Variants in WNK1 observed in about 807,000 individuals in gnomAD.
WNK1 encodes WNK lysine deficient protein kinase 1, also known as serine/threonine-protein kinase WNK1.
In WNK1, 38 loss-of-function variants were observed where a neutral mutation model predicts 222.8. That is an observed-to-expected ratio of 0.17 (90% CI 0.13 to 0.22). The LOEUF is 0.22. Ranked by LOEUF, WNK1 falls within the 10% of genes least tolerant of loss-of-function variation. WNK1 has a pLI of 1.00. For synonymous variants in WNK1, 1,090 were observed against 1,092.9 expected (o/e 1.00, Z 0.05); for missense variants, 2,348 against 2,918.4 (o/e 0.80, Z 4.50).
intron 1 of WNK1, among the ~76,000 whole-genome samples, chr12:784,348 C>G (rs1399551285): frequency 3.3e-5 from 5 of 152,058 alleles, no homozygotes; most frequent in Admixed American, 6.6e-5. Flanking sequence ...CCAAGTACCT[C>G]TTGTTAAACT....
intron 26 of WNK1, among the ~76,000 whole-genome samples, chr12:905,395 A>G (rs1004668467): frequency 6.6e-6 from 1 of 152,030 alleles, no homozygotes; most frequent in Admixed American, 6.5e-5. Context: ...GTATTAGGTA[A>G]TGTAGGGTAA....
In WNK1 at chr12:879,823, C is replaced by G. The variant is rs529032048; in HGVS notation, c.2624C>G (p.Thr875Arg). 4.3e-6 allele frequency: 7 copies of G among 1,614,186 alleles called. No homozygotes were observed. In the African/African-American group the frequency reaches 5.3e-5, roughly 12 times the overall value. Residue 875 changes from threonine (T) to arginine (R), a missense_variant, in exon 11 of 28, where the codon ACG becomes AGG. Physicochemically the swap from Thr to Arg is moderately conservative, Grantham distance 71. Coordinates refer to ENST00000315939, the MANE Select transcript of WNK1 (RefSeq NM_018979.4). ...MAAGITQPLL[T>R]LASSATTAAI... ...GCTGGCATTACTCAGCCTCTGCTCA[C>G]GTTGGCTTCATCTGCTACAACAGCT...
chr12:832,799 C>T (rs528560668), intron 4 of WNK1, among the ~76,000 whole-genome samples: 23 of 152,206 alleles, frequency 1.5e-4, no homozygotes, highest in African/African-American at 5.5e-4. Context: ...AATTGTAATC[C>T]CTGAAGCACT....
At chr12:793,227 G>T (rs1206068611) in intron 1 of WNK1, among the ~76,000 whole-genome samples, 1 of 152,200 alleles carries the variant, frequency 6.6e-6, no homozygotes, top group African/African-American at 2.4e-5. Context: ...GAATGAATGA[G>T]TCAGATGTTT....
chr12:901,243 GT>G (rs1955227839), intron 26 of WNK1, among the ~76,000 whole-genome samples: 4 of 152,150 alleles, frequency 2.6e-5, no homozygotes, highest in Admixed American at 1.3e-4. Context: ...AAAAATATAG[GT>G]ACTGGCTTAT....
chr12:851,918 A>C, intron 4 of WNK1: 1 of 777,010 alleles, frequency 1.3e-6, no homozygotes, highest in Non-Finnish European at 1.8e-6. Flanking sequence ...TGCTTTAAAA[A>C]TATTTAGAGT....
intron 1 of WNK1, among the ~76,000 whole-genome samples, chr12:801,692 A>AC (rs1419828433): frequency 2.0e-5 from 3 of 151,822 alleles, no homozygotes; most frequent in African/African-American, 7.3e-5. Context: ...ATAGGTGTCA[A>AC]CCATTGTGCC....
Position 885,636 on chromosome 12 carries a change from C to T in WNK1, c.4832C>T (p.Pro1611Leu). The stretch of plus-strand genomic sequence containing the variant: ...TTGGTACAGCCTGTTGCCAATGTGC[C>T]TGCTGTACAGCAGACACTAATTCAT... ...PPLVQPVANV[P>L]AVQQTLIHSQ... The change falls in exon 19 of 28, where the codon CCT becomes CTT. Residue 1611 changes from proline (P) to leucine (L), a missense_variant. This residue lies in a region of WNK1 where 1,144 missense variants were observed against 1,273.6 expected (regional missense o/e 0.90). Coordinates refer to ENST00000315939, the MANE Select transcript of WNK1 (RefSeq NM_018979.4). 1.2e-6 allele frequency: 2 copies of T among 1,614,176 alleles called. No homozygotes were observed. The highest frequency in any genetic ancestry group is 1.7e-6 in the Non-Finnish European group (2 of 1,180,030).
At chr12:890,952 T>C (rs1954167067) in intron 22 of WNK1, among the ~76,000 whole-genome samples, 2 of 152,196 alleles carry the variant, frequency 1.3e-5, no homozygotes, top group South Asian at 4.1e-4. Flanking sequence ...TATTCTCAAT[T>C]GGCTCTCATT....
rs1172218648 is a variant in WNK1 at position 752,746 on chromosome 12, C to T, written c.-820C>T. ...TCCTCTAGGTCTCCTCTCCTCTTGC[C>T]TCAGAGAAGCAGCGGAGCTCGGGCC... On this transcript the variant is annotated 5_prime_UTR_variant, in exon 1 of 28. Coordinates refer to ENST00000315939, the MANE Select transcript of WNK1 (RefSeq NM_018979.4). 6.6e-6 allele frequency: 1 copy of T among 152,352 alleles called. No individual in the cohort carries two copies. Among genetic ancestry groups the T allele is most frequent in the Non-Finnish European group, 1.5e-5 (1 of 68,138 alleles). 9.4% of individuals were successfully genotyped at this position (152,352 alleles called of 1,614,324 possible).
In WNK1 at chr12:897,570, A is replaced by G. The variant is rs1477139555; in HGVS notation, c.6337A>G (p.Ile2113Val). ...TKLGKVPPAV[I>V]IPPAAPLSGR... ...ACTGGGCAAGGTGCCCCCTGCTGTT[A>G]TTATTCCCCCAGCTGCTCCCCTTTC... The change falls in exon 25 of 28, where the codon ATT becomes GTT. Residue 2113 changes from isoleucine to valine, a missense_variant. Around this residue, in one of 13 missense-constraint regions of WNK1, gnomAD observed 1,144 missense variants for 1,273.6 expected, o/e 0.90. Transcript: ENST00000315939. 1.9e-6 allele frequency: 3 copies of G among 1,614,116 alleles called. No individual in the cohort carries two copies. Among genetic ancestry groups the G allele is most frequent in the East Asian group, 2.2e-5 (1 of 44,882 alleles).
chr12:783,290 C>T (rs567999412), intron 1 of WNK1, among the ~76,000 whole-genome samples: 1 of 152,270 alleles, frequency 6.6e-6, no homozygotes, highest in East Asian at 1.9e-4. Flanking sequence ...TCTTCAAAAT[C>T]TGCTGTGTGT....
At chr12:823,872 C>G (rs774310151) in intron 2 of WNK1, among the ~76,000 whole-genome samples, 4 of 150,488 alleles carry the variant, frequency 2.7e-5, no homozygotes, top group African/African-American at 9.8e-5. Flanking sequence ...AATGGAAGAA[C>G]CTGAAGTGCT....
chr12:841,126 A>G (rs1304728838), intron 4 of WNK1, among the ~76,000 whole-genome samples: 1 of 152,160 alleles, frequency 6.6e-6, no homozygotes, highest in Non-Finnish European at 1.5e-5. Context: ...AAAATTAACC[A>G]TTTTAACCAT....
In WNK1 at chr12:753,775, G is replaced by GACCACT. The variant is rs1565375624; in HGVS notation, c.216_221dup (p.Thr74_Thr75dup). The GACCACT allele has an allele frequency of 6.2e-7, 1 of 1,612,288 alleles. No homozygotes were observed. Among genetic ancestry groups the GACCACT allele is most frequent in the East Asian group, 2.2e-5 (1 of 44,880 alleles). ...ACAAGGACAGCCGTGGGGCGGCCGC[G>GACCACT]ACCACTACCACCACTGAGCACCGCT... On this transcript the variant is annotated inframe_insertion, in exon 1 of 28. Transcript: ENST00000315939. The surrounding 1 kb of genome is among the most constrained non-coding windows in gnomAD (Gnocchi z 5.2).
chr12:806,389 TG>T (rs1230948810), intron 1 of WNK1, among the ~76,000 whole-genome samples: 4 of 152,220 alleles, frequency 2.6e-5, no homozygotes, highest in Non-Finnish European at 4.4e-5. Flanking sequence ...TTTCCAAACT[TG>T]CTGGTCATAA....
intron 1 of WNK1, among the ~76,000 whole-genome samples, chr12:792,916 A>G (rs1944980876): frequency 1.3e-5 from 2 of 152,174 alleles, no homozygotes; most frequent in Non-Finnish European, 2.9e-5. Context: ...GACAAGAGAC[A>G]CAACTTGGAT....
chr12:900,366 G>T, intron 25 of WNK1, 110 bp from the exon 26 acceptor site: 1 of 1,162,560 alleles, frequency 8.6e-7, no homozygotes, highest in South Asian at 1.2e-5. Context: ...TGTAGCTTTT[G>T]ACCCATCATT....
chr12:907,748 A>C, intron 26 of WNK1, 99 bp from the exon 27 acceptor site: 1 of 1,389,722 alleles, frequency 7.2e-7, no homozygotes, highest in South Asian at 1.2e-5. Flanking sequence ...TCCTCTTCTC[A>C]TTCTGTGGCT....
Sources: allele counts gnomAD v4.1 joint callset (sites outside exome capture counted in the v4.1 genomes callset), GRCh38; gene constraint gnomAD v4.1.1; regional missense constraint gnomAD v4.1.1; non-coding constraint Gnocchi (gnomAD v3.1); transcripts MANE v1.5; gene names NCBI Gene and HGNC (gene_info 2026-07-23, HGNC 2026-07-21).